CAMK1D: variants seen among roughly 807,000 people sequenced by gnomAD.
CAMK1D encodes calcium/calmodulin dependent protein kinase ID.
A neutral mutation model predicts 47.7 loss-of-function variants in CAMK1D; 9 were observed. The observed-to-expected ratio is 0.19, with a 90% CI of 0.11 to 0.33. The LOEUF (loss-of-function observed/expected upper bound fraction) is 0.33. CAMK1D is among the 10% of genes least tolerant of loss of function. CAMK1D has a pLI of 1.00. For synonymous variants in CAMK1D, 184 were observed against 184.9 expected (o/e 0.99, Z 0.04); for missense variants, 291 against 488.7 (o/e 0.60, Z 3.81).
intron 5 of CAMK1D, among the ~76,000 whole-genome samples, chr10:12,770,924 T>A (rs899829889): frequency 6.6e-6 from 1 of 150,538 alleles, no homozygotes; most frequent in Non-Finnish European, 1.5e-5. Flanking sequence ...TCTTTCTTTT[T>A]TGTGGGGGGT....
intron 8 of CAMK1D, 52 bp from the exon 9 acceptor site, chr10:12,824,413 T>C (rs1471000732): frequency 3.6e-5 from 54 of 1,496,588 alleles, no homozygotes; most frequent in Non-Finnish European, 4.7e-5. Context: ...TGGGACGCAG[T>C]GTCAGGGCCC....
At chr10:12,690,482 G>T (rs1038125416) in intron 3 of CAMK1D, among the ~76,000 whole-genome samples, 1 of 152,198 alleles carries the variant, frequency 6.6e-6, no homozygotes, top group Non-Finnish European at 1.5e-5. Context: ...GGAGAAATCT[G>T]TGAATATTTA....
intron 3 of CAMK1D, among the ~76,000 whole-genome samples, chr10:12,712,923 C>G: frequency 6.6e-6 from 1 of 152,152 alleles, no homozygotes; most frequent in East Asian, 1.9e-4. Flanking sequence ...AGTTCCATAC[C>G]TGGGAGAGCC....
At chr10:12,739,967 A>G (rs1267434128) in intron 3 of CAMK1D, among the ~76,000 whole-genome samples, 1 of 152,224 alleles carries the variant, frequency 6.6e-6, no homozygotes, top group Non-Finnish European at 1.5e-5. Flanking sequence ...TACTGTAGTA[A>G]TGAATTGGAC....
chr10:12,594,608 C>G lies in CAMK1D; in HGVS notation c.224+41252C>G, dbSNP rs868810114. Among the ~76,000 whole-genome samples the G allele has an allele frequency of 3.0e-4, 46 of 152,330 alleles. 2 individuals carry two copies. The Middle Eastern group carries it at 0.01, about 34-fold the overall frequency. On this transcript the variant is annotated intron_variant, in intron 2 of 10. Coordinates refer to ENST00000619168, the MANE Select transcript of CAMK1D (RefSeq NM_153498.4). ...CTTCTCATTTCCTGCTGTAAACTTT[C>G]AGGGAGTCAGTGAACTCAAGCGTTT...
chr10:12,388,355 C>T (rs759375013), intron 1 of CAMK1D, among the ~76,000 whole-genome samples: 5 of 152,152 alleles, frequency 3.3e-5, no homozygotes, highest in African/African-American at 7.2e-5. Flanking sequence ...GAATTCTCCC[C>T]GAATCAACCT....
At chr10:12,659,255 G>A (rs1199322458) in intron 2 of CAMK1D, among the ~76,000 whole-genome samples, 2 of 152,194 alleles carry the variant, frequency 1.3e-5, no homozygotes, top group African/African-American at 2.4e-5. Context: ...CTGTACTACA[G>A]GGAGCCAGTG....
intron 1 of CAMK1D, among the ~76,000 whole-genome samples, chr10:12,430,157 A>G (rs1000412808): frequency 6.6e-6 from 1 of 152,168 alleles, no homozygotes; most frequent in African/African-American, 2.4e-5. Flanking sequence ...GTATAATCCT[A>G]GAAAACCCCT....
intron 3 of CAMK1D, among the ~76,000 whole-genome samples, chr10:12,674,598 G>A (rs1189521987): frequency 1.2e-4 from 2 of 16,736 alleles, no homozygotes; most frequent in African/African-American, 1.7e-4. Context: ...TTGGAAAAAT[G>A]CTTTTTTTTT....
chr10:12,531,302 T>C (rs1463236785), intron 1 of CAMK1D, among the ~76,000 whole-genome samples: 2 of 152,196 alleles, frequency 1.3e-5, no homozygotes, highest in Non-Finnish European at 2.9e-5. Context: ...AGGACCTAGT[T>C]AGGCACACAG....
At chr10:12,811,996 T>C (rs1278562800) in intron 6 of CAMK1D, among the ~76,000 whole-genome samples, 1 of 152,228 alleles carries the variant, frequency 6.6e-6, no homozygotes, top group Non-Finnish European at 1.5e-5. Flanking sequence ...TCTTAGTCCC[T>C]AAGGCAACCT....
chr10:12,633,466 G>A (rs997013361), intron 2 of CAMK1D, among the ~76,000 whole-genome samples: 1 of 152,168 alleles, frequency 6.6e-6, no homozygotes, highest in African/African-American at 2.4e-5. Flanking sequence ...GGCATGATGC[G>A]CTTATTAACA....
intron 1 of CAMK1D, among the ~76,000 whole-genome samples, chr10:12,552,342 C>G (rs903226906): frequency 5.9e-5 from 9 of 152,212 alleles, no homozygotes; most frequent in African/African-American, 1.9e-4. Context: ...ACAAGCTGCT[C>G]GGTGAGCACT....
chr10:12,668,957 C>T (rs949730844), intron 3 of CAMK1D, among the ~76,000 whole-genome samples: 8 of 152,042 alleles, frequency 5.3e-5, no homozygotes, highest in Non-Finnish European at 1.2e-4. Context: ...ATTGGCCCGG[C>T]ATGGTGGCTC....
At chr10:12,572,692 C>T (rs757443994) in intron 2 of CAMK1D, among the ~76,000 whole-genome samples, 77 of 152,082 alleles carry the variant, frequency 5.1e-4, no homozygotes, top group Non-Finnish European at 3.1e-4. Flanking sequence ...AGTGCAGGGG[C>T]GAGATCACAG....
At chr10:12,676,970 A>G (rs940776585) in intron 3 of CAMK1D, among the ~76,000 whole-genome samples, 1 of 152,134 alleles carries the variant, frequency 6.6e-6, no homozygotes, top group Non-Finnish European at 1.5e-5. Flanking sequence ...CAATGTTGTG[A>G]GTTTTTTACC....
At chr10:12,538,901 AAAAG>A (rs1239283591) in intron 1 of CAMK1D, among the ~76,000 whole-genome samples, 11 of 151,494 alleles carry the variant, frequency 7.3e-5, no homozygotes, top group African/African-American at 9.7e-5. Context: ...AAAAAAAAAA[AAAAG>A]AGAAAGGAAG....
intron 1 of CAMK1D, among the ~76,000 whole-genome samples, chr10:12,396,059 A>G: frequency 6.6e-6 from 1 of 152,002 alleles, no homozygotes; most frequent in East Asian, 2.0e-4. Context: ...TTTTTAGTAG[A>G]GACAGGGTTT....
chr10:12,789,161 G>A (rs898049452), intron 5 of CAMK1D, among the ~76,000 whole-genome samples: 1 of 152,220 alleles, frequency 6.6e-6, no homozygotes, highest in African/African-American at 2.4e-5. Flanking sequence ...ACAGCTGTGA[G>A]TGTGACCCAA....
Sources: allele counts gnomAD v4.1 joint callset (sites outside exome capture counted in the v4.1 genomes callset), GRCh38; gene constraint gnomAD v4.1.1; transcripts MANE v1.5; gene names NCBI Gene and HGNC (gene_info 2026-07-23, HGNC 2026-07-21).